ARHGEF12: variants seen among roughly 807,000 people sequenced by gnomAD.
ARHGEF12 encodes KMT2A/ARHGEF12 fusion protein.
A neutral mutation model predicts 211.2 loss-of-function variants in ARHGEF12; 66 were observed. The ratio of observed to expected loss-of-function variants is 0.31; its 90% CI spans 0.26 to 0.38. ARHGEF12 has a LOEUF of 0.38. ARHGEF12 is among the 10% of genes least tolerant of loss of function. The pLI is 1.00. For synonymous variants in ARHGEF12, 592 were observed against 638.4 expected, an observed-to-expected ratio of 0.93 and a Z score of 1.09; for missense variants, 1,429 against 1,869.5, an observed-to-expected ratio of 0.76 and a Z score of 4.34.
Position 120,457,616 on chromosome 11 carries a change from T to G in ARHGEF12, c.2190-105T>G. 1.2e-5 allele frequency: 9 copies of G among 750,554 alleles called. No homozygotes were observed. In the South Asian group the frequency reaches 2.6e-4, roughly 21 times the overall value. 46.5% of individuals were successfully genotyped at this position (750,554 alleles called of 1,614,324 possible). ...AAATTATTACAATATCCCAAAGAAT[T>G]ATTTATCAAGCTGCTGGAGTTTAAC... On this transcript the variant is annotated intron_variant, in intron 23 of 40. Coordinates refer to ENST00000397843, the MANE Select transcript of ARHGEF12 (RefSeq NM_015313.3).
Position 120,473,993 on chromosome 11 carries a change from A to T in ARHGEF12, c.3034-567A>T, listed in dbSNP as rs948044804. Among the ~76,000 whole-genome samples, 12 of 152,236 alleles carry T rather than the reference A, an allele frequency of 7.9e-5. No individual in the cohort carries two copies. In the East Asian group the frequency reaches 2.1e-3, roughly 27 times the overall value. Reference sequence around the variant, plus strand: ...ATATATTAATACTTCGTCAACAAGCACGTAAATGTGCTTATTCCCCTTAGC... The same window carrying T: ...ATATATTAATACTTCGTCAACAAGCTCGTAAATGTGCTTATTCCCCTTAGC... On this transcript the variant is annotated intron_variant, in intron 31 of 40. Coordinates refer to ENST00000397843, the MANE Select transcript of ARHGEF12 (RefSeq NM_015313.3).
intron 6 of ARHGEF12, 112 bp downstream of exon 6, chr11:120,421,964 A>C (rs189078263): frequency 1.3e-6 from 1 of 750,510 alleles, no homozygotes. Flanking sequence ...ACTTCTATGT[A>C]TGATAGATCT....
chr11:120,342,285 G>A (rs1188727048), intron 1 of ARHGEF12, among the ~76,000 whole-genome samples: 1 of 152,112 alleles, frequency 6.6e-6, no homozygotes, highest in East Asian at 1.9e-4. Flanking sequence ...TGAGGATAAA[G>A]CTTTTGTCAC....
intron 4 of ARHGEF12, among the ~76,000 whole-genome samples, chr11:120,414,974 G>A (rs973437169): frequency 3.3e-5 from 5 of 152,168 alleles, no homozygotes; most frequent in Admixed American, 2.6e-4. Context: ...CTGTGTCTAT[G>A]CAAAGTGCTG....
intron 29 of ARHGEF12, among the ~76,000 whole-genome samples, chr11:120,468,360 G>C (rs577192950): frequency 3.3e-5 from 5 of 152,202 alleles, no homozygotes; most frequent in Non-Finnish European, 7.3e-5. Flanking sequence ...CTGTGGTTTG[G>C]AGGATTATAA....
Position 120,480,082 on chromosome 11 carries a change from A to G in ARHGEF12, c.3889A>G (p.Ile1297Val), listed in dbSNP as rs956728353. The change falls in exon 38 of 41, where the codon ATC becomes GTC. Residue 1297 changes from isoleucine (I) to valine (V), a missense_variant. Around this residue, in one of 7 missense-constraint regions of ARHGEF12, gnomAD observed 467 missense variants for 468.4 expected, o/e 1.00. Transcript: ENST00000397843. ...ASQGPQTDSV[I>V]QNSENIKAYH... ...TCAGGGGCCGCAGACAGACAGTGTC[A>G]TCCAGAACTCTGAAAATATTAAGGC... 6.2e-7 allele frequency: 1 copy of G among 1,614,254 alleles called. No homozygotes were observed. Among genetic ancestry groups the G allele is most frequent in the Admixed American group, 1.7e-5 (1 of 60,030 alleles).
chr11:120,463,210 T>C (rs996469425), intron 27 of ARHGEF12: 3 of 152,162 alleles, frequency 2.0e-5, no homozygotes, highest in Non-Finnish European at 4.4e-5. Context: ...TCAAGGAACA[T>C]CTATACTTAA....
intron 1 of ARHGEF12, among the ~76,000 whole-genome samples, chr11:120,403,580 C>T (rs1944606540): frequency 6.6e-6 from 1 of 151,174 alleles, no homozygotes; most frequent in African/African-American, 2.4e-5. Flanking sequence ...TAATTCTTTG[C>T]TTTATTAATC....
intron 1 of ARHGEF12, among the ~76,000 whole-genome samples, chr11:120,362,844 T>C (rs1182595196): frequency 6.6e-6 from 1 of 152,164 alleles, no homozygotes; most frequent in South Asian, 2.1e-4. Flanking sequence ...CTCATGCCTG[T>C]AATCCCAGCA....
intron 32 of ARHGEF12, 126 bp downstream of exon 32, chr11:120,474,761 A>G: frequency 1.6e-6 from 1 of 618,258 alleles, no homozygotes; most frequent in Non-Finnish European, 2.8e-6. Flanking sequence ...ACCTCGTGTT[A>G]TTTGTACATT....
At chr11:120,441,906 G>C in intron 14 of ARHGEF12, 89 bp downstream of exon 14, 1 of 1,186,438 alleles carries the variant, frequency 8.4e-7, no homozygotes, top group East Asian at 2.3e-5. Context: ...CGAGTGGGCA[G>C]ACTTCTTTCA....
intron 40 of ARHGEF12, 40 bp from the exon 41 acceptor site, chr11:120,485,027 T>G: frequency 6.2e-7 from 1 of 1,602,422 alleles, no homozygotes. Context: ...AGTATATTCT[T>G]TTTCTTAATA....
intron 40 of ARHGEF12, among the ~76,000 whole-genome samples, chr11:120,484,833 G>A (rs537489672): frequency 1.3e-5 from 2 of 152,302 alleles, no homozygotes; most frequent in East Asian, 3.9e-4. Flanking sequence ...ACTCCCTAGT[G>A]TGGAGGATTT....
rs761786049 is a variant in ARHGEF12 at position 120,429,425 on chromosome 11, C to A, written c.586-15C>A. On this transcript the variant is annotated splice_polypyrimidine_tract_variant and intron_variant, in intron 8 of 40. Coordinates refer to ENST00000397843, the MANE Select transcript of ARHGEF12 (RefSeq NM_015313.3). ...ATACTGGTTGTTGTTTGTTTTTTATCTTTTTCTTTTCTAGGAGGAAAACAA... is the reference window on the plus strand; with the variant it reads ...ATACTGGTTGTTGTTTGTTTTTTATATTTTTCTTTTCTAGGAGGAAAACAA... 6.3e-7 allele frequency: 1 copy of A among 1,599,688 alleles called. No homozygotes were observed. The highest frequency in any genetic ancestry group is 1.3e-5 in the African/African-American group (1 of 74,228).
Position 120,477,640 on chromosome 11 carries a change from G to GT in ARHGEF12, c.3532+115dup, listed in dbSNP as rs532109111. 33 of 933,654 alleles carry GT rather than the reference G, an allele frequency of 3.5e-5. No homozygotes were observed. In the African/African-American group the frequency reaches 5.1e-4, roughly 15 times the overall value. The allele number at this position is 933,654 out of a possible 1,614,324, so 57.8% of individuals were successfully genotyped here. On this transcript the variant is annotated intron_variant, in intron 36 of 40. Coordinates refer to ENST00000397843, the MANE Select transcript of ARHGEF12 (RefSeq NM_015313.3). ...AGTGCTTTGGGAGGTCGAGATAGGC[G>GT]TATCACCTGAGGCCAGGAGTTAGAG...
intron 37 of ARHGEF12, among the ~76,000 whole-genome samples, chr11:120,479,281 A>G (rs1049051464): frequency 6.6e-6 from 1 of 152,206 alleles, no homozygotes; most frequent in African/African-American, 2.4e-5. Context: ...CTAAAGAAAC[A>G]TGACAGACAT....
At chr11:120,466,671 A>G (rs1946714521) in intron 28 of ARHGEF12, among the ~76,000 whole-genome samples, 1 of 152,240 alleles carries the variant, frequency 6.6e-6, no homozygotes, top group Admixed American at 6.5e-5. Context: ...ACTTATGCCA[A>G]AACAGTAGAG....
intron 4 of ARHGEF12, among the ~76,000 whole-genome samples, chr11:120,413,695 T>G (rs1437111278): frequency 6.6e-6 from 1 of 152,204 alleles, no homozygotes; most frequent in African/African-American, 2.4e-5. Context: ...GAGGTCTTAC[T>G]CATAAAACAT....
chr11:120,436,890 G>A (rs1945711143), intron 11 of ARHGEF12, among the ~76,000 whole-genome samples: 1 of 152,132 alleles, frequency 6.6e-6, no homozygotes, highest in African/African-American at 2.4e-5. Context: ...GCGAGTAACA[G>A]AATAGTAGAA....
Sources: allele counts gnomAD v4.1 joint callset (sites outside exome capture counted in the v4.1 genomes callset), GRCh38; gene constraint gnomAD v4.1.1; regional missense constraint gnomAD v4.1.1; transcripts MANE v1.5; gene names NCBI Gene and HGNC (gene_info 2026-07-23, HGNC 2026-07-21).